TOMM34: variants seen among roughly 807,000 people sequenced by gnomAD.
TOMM34 encodes the protein translocase of outer mitochondrial membrane 34.
TOMM34 carries 24 observed loss-of-function variants against 37.4 expected under a neutral mutation model. The ratio of observed to expected loss-of-function variants is 0.64; its 90% CI spans 0.46 to 0.90. The LOEUF (loss-of-function observed/expected upper bound fraction) is 0.90, where lower values mean the gene tolerates loss of function less well. TOMM34 is among the 40% of genes least tolerant of loss of function. The pLI is 0.00. For missense variants in TOMM34, 304 were observed against 375.6 expected, an observed-to-expected ratio of 0.81 and a Z score of 1.58; for synonymous variants, 154 against 148.9, an observed-to-expected ratio of 1.03 and a Z score of -0.25.
At chr20:44,953,128 T>C (rs2067040824) in intron 3 of TOMM34, among the ~76,000 whole-genome samples, 1 of 152,122 alleles carries the variant, frequency 6.6e-6, no homozygotes, top group African/African-American at 2.4e-5. Context: ...ATCTTCATCC[T>C]TCCTCTCTAC....
At chr20:44,950,311 C>T (rs1418596405) in intron 4 of TOMM34, among the ~76,000 whole-genome samples, 1 of 152,224 alleles carries the variant, frequency 6.6e-6, no homozygotes, top group Non-Finnish European at 1.5e-5. Flanking sequence ...GCTCCACCTC[C>T]ATTGCCACCC....
At chr20:44,945,005 A>G (rs1601136447) in intron 5 of TOMM34, among the ~76,000 whole-genome samples, 1 of 152,292 alleles carries the variant, frequency 6.6e-6, no homozygotes, top group African/African-American at 2.4e-5. Flanking sequence ...TAGTTAATCC[A>G]TGTGTTCTTC....
chr20:44,955,438 A>G, intron 2 of TOMM34: 1 of 664,738 alleles, frequency 1.5e-6, no homozygotes, highest in Non-Finnish European at 2.7e-6. Context: ...ATTTTGTTAA[A>G]TGTGTGTGCA....
chr20:44,959,891 C>G, intron 1 of TOMM34: 1 of 982,136 alleles, frequency 1.0e-6, no homozygotes, highest in Non-Finnish European at 1.2e-6. Flanking sequence ...CTTTTTGTGT[C>G]TTGTTACACA....
At chr20:44,960,088 G>C in intron 1 of TOMM34, 119 bp downstream of exon 1, 1 of 1,361,794 alleles carries the variant, frequency 7.3e-7, no homozygotes, top group Non-Finnish European at 9.5e-7. Flanking sequence ...GCCGGAGTCG[G>C]AAGGGGCTGG....
At chr20:44,958,324 C>T (rs1568666084) in intron 1 of TOMM34, 2 of 470,726 alleles carry the variant, frequency 4.2e-6, no homozygotes, top group Non-Finnish European at 8.8e-6. Context: ...GTTTTCCCCT[C>T]TTGTTTTGCC....
chr20:44,958,449 A>G (rs777741779), intron 1 of TOMM34: 1 of 468,476 alleles, frequency 2.1e-6, no homozygotes. Context: ...GCTCAGAAAC[A>G]GCAGTGGTGC....
intron 2 of TOMM34, among the ~76,000 whole-genome samples, chr20:44,955,817 T>C (rs576166361): frequency 6.6e-6 from 1 of 152,352 alleles, no homozygotes; most frequent in South Asian, 2.1e-4. Context: ...GGCAGGAATC[T>C]AAAGCAATGT....
chr20:44,943,007 C>A lies in TOMM34; in HGVS notation c.*102G>T. 2.7e-6 allele frequency: 3 copies of A among 1,107,812 alleles called. No individual in the cohort carries two copies. The highest frequency in any genetic ancestry group is 4.1e-6 in the Non-Finnish European group (3 of 737,764). 68.6% of individuals were successfully genotyped at this position (1,107,812 alleles called of 1,614,324 possible). A position where few individuals can be genotyped will look rare whatever the true frequency, so the allele number is the denominator to read the frequency against. On this transcript the variant is annotated 3_prime_UTR_variant, in exon 7 of 7. Transcript: ENST00000372813. Reference sequence around the variant, plus strand: ...AGGGATTGAGGAGGGGGCTTCAGAGCTCACTTGGGGCATGCTGGGTTTCAG... The same window carrying A: ...AGGGATTGAGGAGGGGGCTTCAGAGATCACTTGGGGCATGCTGGGTTTCAG...
intron 4 of TOMM34, among the ~76,000 whole-genome samples, chr20:44,951,176 T>C (rs1023769938): frequency 1.3e-5 from 2 of 152,130 alleles, no homozygotes; most frequent in African/African-American, 2.4e-5. Flanking sequence ...TGAGAAAATA[T>C]GTGAGCTAGA....
Position 44,943,145 on chromosome 20 carries a change from C to T in TOMM34, c.894G>A (p.Gln298=). The T allele has an allele frequency of 6.2e-7, 1 of 1,614,188 alleles. No individual in the cohort carries two copies. Among genetic ancestry groups the T allele is most frequent in the Non-Finnish European group, 8.5e-7 (1 of 1,180,024 alleles). The part of the protein sequence containing the change: ...LQIEPRNGPA[Q]KLRQEVKQNL... ...TCTGCTTCACTTCCTGCCGCAACTTCTGTGCAGGACCATTCCTAGGCTCAA... is the reference window on the plus strand; with the variant it reads ...TCTGCTTCACTTCCTGCCGCAACTTTTGTGCAGGACCATTCCTAGGCTCAA... The change falls in exon 7 of 7, where the codon CAG becomes CAA. Residue 298 remains glutamine, a synonymous_variant. Coordinates refer to ENST00000372813, the MANE Select transcript of TOMM34 (RefSeq NM_006809.5).
intron 5 of TOMM34, among the ~76,000 whole-genome samples, chr20:44,944,813 T>G (rs766312035): frequency 2.6e-5 from 4 of 152,260 alleles, no homozygotes; most frequent in Admixed American, 2.0e-4. Context: ...TCTTAAATTT[T>G]CATGTATGCC....
rs113566857 is a variant in TOMM34 at position 44,956,528 on chromosome 20, G to A, written c.128-43C>T. ...GGAAGATGATCAGTTTGGAAAATGGGTGCCTCAGGGCATTAGGATACATTT... is the reference window on the plus strand; with the variant it reads ...GGAAGATGATCAGTTTGGAAAATGGATGCCTCAGGGCATTAGGATACATTT... On this transcript the variant is annotated intron_variant, in intron 1 of 6. Coordinates refer to ENST00000372813, the MANE Select transcript of TOMM34 (RefSeq NM_006809.5). The A allele has an allele frequency of 5.7e-6, 9 of 1,590,796 alleles. No homozygotes were observed. In the Admixed American group the frequency reaches 1.5e-4, roughly 27 times the overall value.
chr20:44,959,619 G>C (rs891670233), intron 1 of TOMM34, among the ~76,000 whole-genome samples: 1 of 145,580 alleles, frequency 6.9e-6, no homozygotes, highest in African/African-American at 2.4e-5. Flanking sequence ...TCGTCTTGGA[G>C]GGGGGGCCTT....
chr20:44,950,547 G>C (rs1466951551), intron 4 of TOMM34, among the ~76,000 whole-genome samples: 1 of 152,208 alleles, frequency 6.6e-6, no homozygotes, highest in Non-Finnish European at 1.5e-5. Flanking sequence ...CAGTGACCCT[G>C]AAAGAATGAA....
intron 5 of TOMM34, among the ~76,000 whole-genome samples, chr20:44,944,406 T>C (rs1388883483): frequency 6.6e-6 from 1 of 152,220 alleles, no homozygotes; most frequent in Non-Finnish European, 1.5e-5. Flanking sequence ...TTTCAGTGGG[T>C]GCAGGGTATT....
Position 44,951,997 on chromosome 20 carries a change from G to A in TOMM34, c.386C>T (p.Thr129Ile), listed in dbSNP as rs1014255615. The change falls in exon 4 of 7, where the codon ACC becomes ATC. Residue 129 changes from threonine (T) to isoleucine (I), a missense_variant. By Grantham distance (89) the Thr-to-Ile change is moderately conservative. Transcript: ENST00000372813. ...CCCAAGCGAGTCCATGAGAGCTCTG[G>A]TCATTCTGGAAAAGAAGGCAGGATT... ...TSAVEGINRM[T>I]RALMDSLGPE... 6.2e-6 allele frequency: 10 copies of A among 1,603,372 alleles called. No homozygotes were observed. Among genetic ancestry groups the A allele is most frequent in the Non-Finnish European group, 6.8e-6 (8 of 1,175,830 alleles).
intron 6 of TOMM34, 55 bp from the exon 7 acceptor site, chr20:44,943,268 T>C (rs1456274587): frequency 1.1e-5 from 17 of 1,606,182 alleles, no homozygotes; most frequent in Admixed American, 8.4e-5. Context: ...GGGGTGGGGA[T>C]AGCTGCTGAG....
chr20:44,956,462 T>C lies in TOMM34; in HGVS notation c.151A>G (p.Ser51Gly), dbSNP rs764409221. 10 of 1,614,210 alleles carry C rather than the reference T, an allele frequency of 6.2e-6. No homozygotes were observed. The South Asian group carries it at 9.9e-5, about 16-fold the overall frequency. ...AQGSSDPEEE[S>G]VLYSNRAACH... ...GCTGCTCGGTTGGAGTAGAGAACACTTTCTTCTTCTGGGTCTGAAGAACCT... is the reference window on the plus strand; with the variant it reads ...GCTGCTCGGTTGGAGTAGAGAACACCTTCTTCTTCTGGGTCTGAAGAACCT... Residue 51 changes from serine to glycine, a missense_variant, in exon 2 of 7, where the codon AGT becomes GGT. Physicochemically the swap from Ser to Gly is moderately conservative, Grantham distance 56. Transcript: ENST00000372813.
Sources: gnomAD v4.1 joint callset for allele counts (sites outside exome capture counted in the v4.1 genomes callset) on GRCh38, gnomAD v4.1.1 for gene constraint, MANE v1.5 for transcripts, NCBI Gene and HGNC (gene_info 2026-07-23, HGNC 2026-07-21) for gene names.